The following AUTS2 variants were observed in gnomAD, a reference collection of about 807,000 sequenced individuals.
The protein encoded by AUTS2 is autism susceptibility gene 2 protein.
Under a neutral mutation model 112.4 loss-of-function variants are expected in AUTS2, and 17 were observed. The ratio of observed to expected loss-of-function variants is 0.15; its 90% CI spans 0.10 to 0.23. AUTS2 has a LOEUF of 0.23. AUTS2 is among the 10% of genes least tolerant of loss of function. AUTS2 has a pLI of 1.00. For missense variants in AUTS2, 1,510 were observed against 1,701.6 expected (o/e 0.89, Z 1.98); for synonymous variants, 751 against 702.7 (o/e 1.07, Z -1.09).
At chr7:70,554,077 T>G (rs1288821362) in intron 5 of AUTS2, among the ~76,000 whole-genome samples, 1 of 147,726 alleles carries the variant, frequency 6.8e-6, no homozygotes, top group Admixed American at 6.7e-5. Flanking sequence ...GCCTTTTTTT[T>G]TTTTTTTTGA....
At chr7:70,537,215 A>G (rs892970026) in intron 5 of AUTS2, among the ~76,000 whole-genome samples, 23 of 152,350 alleles carry the variant, frequency 1.5e-4, no homozygotes, top group Admixed American at 6.5e-4. Context: ...AGGTCTGTAC[A>G]TAGTAGATCC....
chr7:70,672,607 T>A (rs966139127), intron 5 of AUTS2, among the ~76,000 whole-genome samples: 3 of 152,132 alleles, frequency 2.0e-5, no homozygotes, highest in African/African-American at 7.2e-5. Flanking sequence ...TCTTTTTCTT[T>A]TTTTTTCTTT....
intron 2 of AUTS2, among the ~76,000 whole-genome samples, chr7:70,028,096 G>A (rs79332964): frequency 1.4e-5 from 2 of 147,330 alleles, no homozygotes; most frequent in African/African-American, 2.5e-5. Flanking sequence ...TTGCACACAC[G>A]TGCATACTTT....
intron 4 of AUTS2, among the ~76,000 whole-genome samples, chr7:70,352,926 A>G (rs1270957252): frequency 6.6e-6 from 1 of 152,142 alleles, no homozygotes; most frequent in Non-Finnish European, 1.5e-5. Flanking sequence ...CTGCTGGGGA[A>G]GCTCCTTGTT....
Position 69,652,781 on chromosome 7 carries a change from G to A in AUTS2, c.309+52819G>A, listed in dbSNP as rs146442635. On this transcript the variant is annotated intron_variant, in intron 1 of 18. Transcript: ENST00000342771. ...GGTCTGAAAGTATGCTTACTACATCGATAGTGGGGGCTGGAGGAACTGTGA... is the reference window on the plus strand; with the variant it reads ...GGTCTGAAAGTATGCTTACTACATCAATAGTGGGGGCTGGAGGAACTGTGA... Among the ~76,000 whole-genome samples, 283 of 152,212 alleles carry A rather than the reference G, an allele frequency of 1.9e-3. 1 individual carries two copies. Among genetic ancestry groups the A allele is most frequent in the African/African-American group, 6.2e-3 (256 of 41,534 alleles).
At chr7:69,969,405 A>G (rs1362646049) in intron 2 of AUTS2, among the ~76,000 whole-genome samples, 1 of 152,216 alleles carries the variant, frequency 6.6e-6, no homozygotes, top group Non-Finnish European at 1.5e-5. Flanking sequence ...GTAAGGCTCT[A>G]TACCTAATTG....
intron 4 of AUTS2, among the ~76,000 whole-genome samples, chr7:70,383,917 C>T (rs913055980): frequency 5.3e-5 from 8 of 152,248 alleles, no homozygotes; most frequent in Non-Finnish European, 8.8e-5. Context: ...TTATTCTGTA[C>T]ATTGTTCCTA....
At chr7:70,084,961 C>T (rs1184263472) in intron 2 of AUTS2, among the ~76,000 whole-genome samples, 1 of 152,096 alleles carries the variant, frequency 6.6e-6, no homozygotes. Context: ...TAACCTTGAA[C>T]TCCTGGGCTT....
intron 5 of AUTS2, among the ~76,000 whole-genome samples, chr7:70,679,164 T>A (rs528834003): frequency 6.6e-6 from 1 of 152,224 alleles, no homozygotes; most frequent in Admixed American, 6.5e-5. Flanking sequence ...TCACCATCTA[T>A]CATTATTTTT....
At chr7:70,649,200 ATTAGAAGTTTGAGACCT>A (rs960303353) in intron 5 of AUTS2, among the ~76,000 whole-genome samples, 3 of 148,446 alleles carry the variant, frequency 2.0e-5, no homozygotes, top group African/African-American at 7.5e-5. Context: ...AGACCTTTAG[ATTAGAAGTTTGAGACCT>A]TTAGATTAGA....
intron 6 of AUTS2, among the ~76,000 whole-genome samples, chr7:70,700,670 A>G (rs1337274840): frequency 1.3e-5 from 2 of 152,208 alleles, no homozygotes; most frequent in Admixed American, 1.3e-4. Context: ...ACTGCTAAAT[A>G]TCAGGAAAAC....
At chr7:70,483,101 T>G (rs1797853681) in intron 5 of AUTS2, among the ~76,000 whole-genome samples, 1 of 152,094 alleles carries the variant, frequency 6.6e-6, no homozygotes. Context: ...TAGAGGGACT[T>G]GGAACAGATG....
At chr7:69,614,130 C>G (rs1469501450) in intron 1 of AUTS2, among the ~76,000 whole-genome samples, 2 of 152,252 alleles carry the variant, frequency 1.3e-5, no homozygotes, top group South Asian at 2.1e-4. Context: ...TGGGCCTCCT[C>G]ACAGGTCATT....
In AUTS2 at chr7:70,738,693, A is replaced by C. The variant is rs143274841; in HGVS notation, c.743-24177A>C. Among the ~76,000 whole-genome samples the C allele has an allele frequency of 8.5e-5, 13 of 152,256 alleles. 1 individual carries two copies. The highest frequency in any genetic ancestry group is 8.5e-4 in the Admixed American group (13 of 15,300). On this transcript the variant is annotated intron_variant, in intron 6 of 18. Transcript: ENST00000342771. ...GCCCCAATCCCGGAGGAGCGGTGACAGTCCAGGGAAGAGAGGGGACCACGT... is the reference window on the plus strand; with the variant it reads ...GCCCCAATCCCGGAGGAGCGGTGACCGTCCAGGGAAGAGAGGGGACCACGT...
chr7:70,491,056 C>T (rs368109011), intron 5 of AUTS2, among the ~76,000 whole-genome samples: 2 of 152,158 alleles, frequency 1.3e-5, no homozygotes, highest in Admixed American at 6.5e-5. Flanking sequence ...CGGCACCTGT[C>T]AGCCATGAGG....
At chr7:70,695,213 C>A (rs1181409951) in intron 5 of AUTS2, among the ~76,000 whole-genome samples, 1 of 152,170 alleles carries the variant, frequency 6.6e-6, no homozygotes, top group Non-Finnish European at 1.5e-5. Context: ...CCCCTCCTCC[C>A]TTCTTTCCTC....
chr7:69,642,323 T>G (rs1374688779), intron 1 of AUTS2, among the ~76,000 whole-genome samples: 1 of 152,178 alleles, frequency 6.6e-6, no homozygotes, highest in Non-Finnish European at 1.5e-5. Flanking sequence ...CAAACAAATT[T>G]ATATCCATGA....
intron 2 of AUTS2, among the ~76,000 whole-genome samples, chr7:69,989,259 A>G (rs1270593354): frequency 3.3e-5 from 5 of 152,170 alleles, no homozygotes; most frequent in South Asian, 2.1e-4. Flanking sequence ...TGTGTGGCTT[A>G]TTATATCATG....
intron 5 of AUTS2, among the ~76,000 whole-genome samples, chr7:70,559,189 T>C (rs754240067): frequency 5.9e-5 from 9 of 152,188 alleles, no homozygotes; most frequent in Non-Finnish European, 1.0e-4. Flanking sequence ...CTACCATGAT[T>C]GTGAGGCCTC....
Sources: allele counts gnomAD v4.1 joint callset (sites outside exome capture counted in the v4.1 genomes callset), GRCh38; gene constraint gnomAD v4.1.1; transcripts MANE v1.5; gene names NCBI Gene and HGNC (gene_info 2026-07-23, HGNC 2026-07-21).